SPTSSA: variants seen among roughly 807,000 people sequenced by gnomAD.
The protein encoded by SPTSSA is serine palmitoyltransferase small subunit A.
A neutral mutation model predicts 9.1 loss-of-function variants in SPTSSA; 8 were observed. The ratio of observed to expected loss-of-function variants is 0.88; its 90% CI spans 0.51 to 1.58. The LOEUF is 1.58. Among genes scored for constraint, SPTSSA ranks in the 40% most tolerant of loss-of-function variants. SPTSSA has a pLI of 0.00. For synonymous variants in SPTSSA, 42 were observed against 37.7 expected (o/e 1.11, Z -0.41); for missense variants, 100 against 93.8 (o/e 1.07, Z -0.27).
intron 1 of SPTSSA, among the ~76,000 whole-genome samples, chr14:34,449,211 C>T (rs1172391370): frequency 6.6e-6 from 1 of 151,662 alleles, no homozygotes; most frequent in Non-Finnish European, 1.5e-5. Flanking sequence ...GCCTGGGCAA[C>T]AATAGTGAAA....
chr14:34,436,935 TA>T (rs113399233), intron 1 of SPTSSA, among the ~76,000 whole-genome samples: 4,105 of 143,682 alleles, frequency 0.029, 194 homozygotes, highest in African/African-American at 0.091. Context: ...CTAATTTCTT[TA>T]AAAAAAAAAA....
chr14:34,443,605 A>G (rs574098126), intron 1 of SPTSSA, among the ~76,000 whole-genome samples: 19 of 145,910 alleles, frequency 1.3e-4, no homozygotes, highest in African/African-American at 1.3e-4. Context: ...GCACAGTCTT[A>G]GCTCACTGCA....
chr14:34,440,400 G>T lies in SPTSSA; in HGVS notation c.113-5096C>A, dbSNP rs567442278. Among the ~76,000 whole-genome samples, 5 of 152,240 alleles carry T rather than the reference G, an allele frequency of 3.3e-5. No homozygotes were observed. The East Asian group carries it at 9.7e-4, about 29-fold the overall frequency. On this transcript the variant is annotated intron_variant, in intron 1 of 1. Transcript: ENST00000298130. ...TACATATACCAAACAAATGAAAATG[G>T]TATAGTAATAATCTTAAGGTCATTG...
intron 1 of SPTSSA, among the ~76,000 whole-genome samples, chr14:34,460,753 T>C (rs1193229595): frequency 6.6e-6 from 1 of 152,208 alleles, no homozygotes; most frequent in African/African-American, 2.4e-5. Context: ...GTATATATTT[T>C]ACAAGGCATG....
intron 1 of SPTSSA, among the ~76,000 whole-genome samples, chr14:34,447,619 G>A (rs960502175): frequency 6.6e-6 from 1 of 151,972 alleles, no homozygotes; most frequent in Non-Finnish European, 1.5e-5. Context: ...GTAAGAACCT[G>A]AACAAAAAGG....
At chr14:34,440,785 G>A (rs1383528288) in intron 1 of SPTSSA, among the ~76,000 whole-genome samples, 2 of 152,042 alleles carry the variant, frequency 1.3e-5, no homozygotes, top group African/African-American at 4.8e-5. Context: ...GGAGGCTGAG[G>A]CAGGAGAATC....
At chr14:34,452,525 G>A (rs949228993) in intron 1 of SPTSSA, among the ~76,000 whole-genome samples, 2 of 152,110 alleles carry the variant, frequency 1.3e-5, no homozygotes, top group African/African-American at 4.8e-5. Flanking sequence ...ATTGTTTTTA[G>A]AAACTACAAC....
intron 1 of SPTSSA, among the ~76,000 whole-genome samples, chr14:34,455,128 C>T (rs1302208190): frequency 2.6e-5 from 4 of 151,926 alleles, no homozygotes; most frequent in African/African-American, 9.7e-5. Flanking sequence ...TGGCTCACAC[C>T]TGTAATCCCA....
In SPTSSA at chr14:34,452,259, A is replaced by AG. The variant is rs1009277845; in HGVS notation, c.112+9836_112+9837insC. Among the ~76,000 whole-genome samples, 38 of 151,288 alleles carry AG rather than the reference A, an allele frequency of 2.5e-4. 1 individual carries two copies. The highest frequency in any genetic ancestry group is 4.1e-4 in the Non-Finnish European group (28 of 67,830). ...AGACTCAATCTCAAAAAAAAAAAAA[A>AG]AAAAAAGAAAGTTAATTTTTCCTAG... On this transcript the variant is annotated intron_variant, in intron 1 of 1. Transcript: ENST00000298130.
chr14:34,449,923 A>G (rs1226394095), intron 1 of SPTSSA, among the ~76,000 whole-genome samples: 1 of 152,352 alleles, frequency 6.6e-6, no homozygotes, highest in East Asian at 1.9e-4. Context: ...CTCATTCTGT[A>G]ACAAGCCTCT....
rs1471813627 is a variant in SPTSSA, at chr14:34,433,392, T to C, written c.*1809A>G. 1.3e-5 allele frequency: 2 copies of C among 152,146 alleles called. No homozygotes were observed. The highest frequency in any genetic ancestry group is 1.9e-4 in the East Asian group (1 of 5,194). 9.4% of individuals were successfully genotyped at this position (152,146 alleles called of 1,614,324 possible). On this transcript the variant is annotated 3_prime_UTR_variant, in exon 2 of 2. Transcript: ENST00000298130. ...ACATCCACTTGTTAGTGGTTCTCTA[T>C]GGGGGATAGTAGAGGAAAGCCAAAT... is the stretch of plus-strand genomic sequence containing the variant.
chr14:34,455,612 TTTAA>T (rs894115721), intron 1 of SPTSSA, among the ~76,000 whole-genome samples: 6 of 151,920 alleles, frequency 3.9e-5, no homozygotes, highest in African/African-American at 1.5e-4. Flanking sequence ...TCCCAAATAC[TTTAA>T]TTAGTATATT....
chr14:34,459,579 G>A (rs1313608454), intron 1 of SPTSSA, among the ~76,000 whole-genome samples: 4 of 151,906 alleles, frequency 2.6e-5, no homozygotes, highest in African/African-American at 4.8e-5. Flanking sequence ...TCAGGAGTTC[G>A]AGACCAGCCT....
chr14:34,440,159 T>C (rs969226458), intron 1 of SPTSSA, among the ~76,000 whole-genome samples: 5 of 152,212 alleles, frequency 3.3e-5, no homozygotes, highest in Non-Finnish European at 7.3e-5. Context: ...TATTTTTGTA[T>C]CTCCAGCATC....
intron 1 of SPTSSA, among the ~76,000 whole-genome samples, chr14:34,440,113 C>T (rs1447005299): frequency 1.3e-5 from 2 of 152,192 alleles, no homozygotes; most frequent in African/African-American, 4.8e-5. Flanking sequence ...GATGTACTTA[C>T]TCAAATTATC....
chr14:34,443,134 G>GGTGTGTGTGTGTGT lies in SPTSSA; in HGVS notation c.113-7844_113-7831dup, dbSNP rs376742613. 4.1e-3 allele frequency among the ~76,000 whole-genome samples: 152 copies of GGTGTGTGTGTGTGT among 36,960 alleles called. 10 individuals carry two copies. The highest frequency in any genetic ancestry group is 4.9e-3 in the Non-Finnish European group (110 of 22,598). 24.2% of individuals were successfully genotyped at this position (36,960 alleles called of 152,430 possible). On this transcript the variant is annotated intron_variant, in intron 1 of 1. Coordinates refer to ENST00000298130, the MANE Select transcript of SPTSSA (RefSeq NM_138288.4). ...TTCAAGCGATTCTCCTGCTTCTAGG[G>GGTGTGTGTGTGTGT]GTGTGTGTGTGTGTGTGTGTGTGTG...
chr14:34,442,185 G>C (rs1020856675), intron 1 of SPTSSA, among the ~76,000 whole-genome samples: 4 of 152,082 alleles, frequency 2.6e-5, no homozygotes, highest in African/African-American at 9.7e-5. Context: ...CTCAGCATCT[G>C]TTTATAGTTG....
intron 1 of SPTSSA, among the ~76,000 whole-genome samples, chr14:34,460,140 C>A (rs1878587764): frequency 6.6e-6 from 1 of 152,116 alleles, no homozygotes; most frequent in African/African-American, 2.4e-5. Flanking sequence ...TCCAAACTAT[C>A]AGATAGTTTT....
intron 1 of SPTSSA, among the ~76,000 whole-genome samples, chr14:34,441,962 G>A (rs1883323801): frequency 1.3e-5 from 2 of 151,818 alleles, no homozygotes; most frequent in East Asian, 1.9e-4. Context: ...TGCAACCTCC[G>A]CCTCCCGGGT....
Sources: gnomAD v4.1 joint callset for allele counts (sites outside exome capture counted in the v4.1 genomes callset) on GRCh38, gnomAD v4.1.1 for gene constraint, MANE v1.5 for transcripts, NCBI Gene and HGNC (gene_info 2026-07-23, HGNC 2026-07-21) for gene names.